PLSCR2: variants seen among roughly 807,000 people sequenced by gnomAD.
PLSCR2 encodes phospholipid scramblase 2.
In PLSCR2, 18 loss-of-function variants were observed where a neutral mutation model predicts 25.3. That is an observed-to-expected ratio of 0.71 (90% CI 0.49 to 1.06). The LOEUF is 1.06. Among genes scored for constraint, PLSCR2 ranks in the 50% least tolerant of loss-of-function variants. The pLI is 0.00. For missense variants in PLSCR2, 243 were observed against 269.5 expected (o/e 0.90, Z 0.69); for synonymous variants, 88 against 87.3 (o/e 1.01, Z -0.04).
intron 2 of PLSCR2, among the ~76,000 whole-genome samples, chr3:146,412,984 G>A (rs988240845): frequency 6.6e-6 from 1 of 152,150 alleles, no homozygotes; most frequent in Non-Finnish European, 1.5e-5. Context: ...TAGAGGCAAG[G>A]GGGTGAAGAG....
intron 3 of PLSCR2, among the ~76,000 whole-genome samples, chr3:146,393,544 C>T (rs1256768480): frequency 4.0e-5 from 6 of 151,698 alleles, no homozygotes; most frequent in African/African-American, 1.2e-4. Flanking sequence ...GGCACAGTGG[C>T]TCACGTCTGT....
At position 146,473,465 on chromosome 3, in the gene PLSCR2, C is replaced by G. The variant is rs545571434; in HGVS notation, c.-292-13181G>C. On this transcript the variant is annotated intron_variant, in intron 1 of 8. Coordinates refer to the PLSCR2 transcript ENST00000336685. ...GGATAACAGGCACCTGCTACCACGC[C>G]TAACTAATTTTTGTATTTTTAGTAG... Among the ~76,000 whole-genome samples the G allele has an allele frequency of 5.3e-5, 8 of 152,106 alleles. 1 individual carries two copies. In the South Asian group the frequency reaches 1.7e-3, roughly 32 times the overall value.
chr3:146,393,723 C>T (rs1035737445), intron 3 of PLSCR2, among the ~76,000 whole-genome samples: 6 of 148,856 alleles, frequency 4.0e-5, no homozygotes, highest in African/African-American at 7.4e-5. Context: ...GCAGGAGAAT[C>T]GCTTGAACCC....
At chr3:146,492,459 A>G (rs944818812) in intron 1 of PLSCR2, among the ~76,000 whole-genome samples, 6 of 152,190 alleles carry the variant, frequency 3.9e-5, no homozygotes, top group Admixed American at 2.6e-4. Flanking sequence ...GTCTTGGACT[A>G]CAGTGCAATA....
At chr3:146,472,230 C>A (rs1377417180) in intron 1 of PLSCR2, among the ~76,000 whole-genome samples, 5 of 152,150 alleles carry the variant, frequency 3.3e-5, no homozygotes, top group African/African-American at 1.2e-4. Context: ...TAGGTGTATT[C>A]TGCAGTTGTG....
intron 2 of PLSCR2, among the ~76,000 whole-genome samples, chr3:146,427,629 A>C (rs12486737): frequency 0.48 from 73,294 of 152,002 alleles, 18,677 homozygotes; most frequent in South Asian, 0.7. Context: ...TCCTCTGTCT[A>C]AAACTATATT....
chr3:146,426,222 CCTCCCTCCTTCCCTCCCTCTCTCCCTCT>C (rs1179444245), intron 2 of PLSCR2, among the ~76,000 whole-genome samples: 5 of 142,832 alleles, frequency 3.5e-5, no homozygotes, highest in African/African-American at 1.3e-4. Context: ...TCCCTCCTTC[CCTCCCTCCTTCCCTCCCTCTCTCCCTCT>C]CTCCCTCCTT....
intron 1 of PLSCR2, among the ~76,000 whole-genome samples, chr3:146,470,621 C>T (rs2042080829): frequency 6.6e-6 from 1 of 152,128 alleles, no homozygotes; most frequent in African/African-American, 2.4e-5. Flanking sequence ...CTCACCCTCT[C>T]CATTCCCGGT....
At chr3:146,454,599 A>G (rs1277955934) in intron 4 of PLSCR2, among the ~76,000 whole-genome samples, 3 of 152,188 alleles carry the variant, frequency 2.0e-5, no homozygotes, top group African/African-American at 7.2e-5. Context: ...GAAAAGGCCA[A>G]CTTTCCTAAA....
rs2042133921 is a variant in PLSCR2, at chr3:146,471,929, C to A, written c.-292-11645G>T. Reference sequence around the variant, plus strand: ...CTTATTTAAGGTTGCTTTCACCACACAGAAATTTTTATTTTCAGTGATTTT... The same window carrying A: ...CTTATTTAAGGTTGCTTTCACCACAAAGAAATTTTTATTTTCAGTGATTTT... On this transcript the variant is annotated intron_variant, in intron 1 of 8. Coordinates refer to the PLSCR2 transcript ENST00000336685. Among the ~76,000 whole-genome samples, 21 of 152,320 alleles carry A rather than the reference C, an allele frequency of 1.4e-4. 1 individual carries two copies. In the South Asian group the frequency reaches 4.4e-3, roughly 32 times the overall value.
chr3:146,444,656 G>A (rs1232918441), intron 6 of PLSCR2, among the ~76,000 whole-genome samples: 2 of 151,782 alleles, frequency 1.3e-5, no homozygotes, highest in Admixed American at 1.3e-4. Flanking sequence ...GAGGTGAAGT[G>A]TGTTTCTTGA....
chr3:146,444,634 T>G (rs2040439519), intron 6 of PLSCR2, among the ~76,000 whole-genome samples: 1 of 151,992 alleles, frequency 6.6e-6, no homozygotes, highest in Admixed American at 6.6e-5. Context: ...TTTCAGTCTA[T>G]GCGTGTCTTT....
chr3:146,460,754 G>A (rs2041527390), upstream of PLSCR2, among the ~76,000 whole-genome samples: 1 of 152,152 alleles, frequency 6.6e-6, no homozygotes, highest in Non-Finnish European at 1.5e-5. Context: ...AAATACTACA[G>A]TGTTGAGAAA....
chr3:146,406,231 C>T (rs1367474600), intron 2 of PLSCR2, among the ~76,000 whole-genome samples: 2 of 152,188 alleles, frequency 1.3e-5, no homozygotes, highest in Non-Finnish European at 2.9e-5. Flanking sequence ...GGCAGAAAAA[C>T]TGATAAGTAT....
chr3:146,463,433 G>T (rs1319803298), upstream of PLSCR2, among the ~76,000 whole-genome samples: 1 of 152,154 alleles, frequency 6.6e-6, no homozygotes, highest in East Asian at 1.9e-4. Context: ...GGGATTACAG[G>T]CGTGAGCCAC....
rs921993815 is a variant in PLSCR2, at chr3:146,480,471, T to C, written c.-293+15424A>G. On this transcript the variant is annotated intron_variant, in intron 1 of 8. Transcript: ENST00000336685. Reference sequence around the variant, plus strand: ...AAAACTATAAACACCTCTGCGAAAATAAACTAGAAAATCTAGAAGAAATGG... The same window carrying C: ...AAAACTATAAACACCTCTGCGAAAACAAACTAGAAAATCTAGAAGAAATGG... Among the ~76,000 whole-genome samples, 4 of 151,804 alleles carry C rather than the reference T, an allele frequency of 2.6e-5. No homozygotes were observed. In the East Asian group the frequency reaches 7.8e-4, roughly 30 times the overall value.
In PLSCR2 at chr3:146,403,455, A is replaced by G. The variant is rs936762655; in HGVS notation, c.101-7534T>C. 4.6e-5 allele frequency among the ~76,000 whole-genome samples: 7 copies of G among 152,152 alleles called. 1 individual carries two copies. The highest frequency in any genetic ancestry group is 1.7e-4 in the African/African-American group (7 of 41,432). ...GAACTTGCATTTCTAACATGTTCCCAGGTGATGTTGATGCTGCTGTTCCAG... is the reference window on the plus strand; with the variant it reads ...GAACTTGCATTTCTAACATGTTCCCGGGTGATGTTGATGCTGCTGTTCCAG... On this transcript the variant is annotated intron_variant and NMD_transcript_variant, in intron 2 of 3. Transcript: ENST00000463633.
chr3:146,418,579 C>G (rs530933832), intron 2 of PLSCR2, among the ~76,000 whole-genome samples: 1 of 152,092 alleles, frequency 6.6e-6, no homozygotes, highest in African/African-American at 2.4e-5. Context: ...ATTTTGAAAT[C>G]CAGCATGTGA....
At chr3:146,420,311 G>A (rs916672710) in intron 2 of PLSCR2, among the ~76,000 whole-genome samples, 4 of 152,014 alleles carry the variant, frequency 2.6e-5, no homozygotes, top group Non-Finnish European at 5.9e-5. Context: ...TAGCATCTAT[G>A]TGCACTGGTA....
Sources: gnomAD v4.1 joint callset for allele counts (sites outside exome capture counted in the v4.1 genomes callset) on GRCh38, gnomAD v4.1.1 for gene constraint, MANE v1.5 for transcripts, NCBI Gene and HGNC (gene_info 2026-07-23, HGNC 2026-07-21) for gene names.